Variants in ZFAND4 observed in about 807,000 individuals in gnomAD.
ZFAND4 encodes AN1-type zinc finger protein 4.
A neutral mutation model predicts 64.4 loss-of-function variants in ZFAND4; 43 were observed. The ratio of observed to expected loss-of-function variants is 0.67; its 90% CI spans 0.52 to 0.86. ZFAND4 has a LOEUF of 0.86. Among genes scored for constraint, ZFAND4 ranks in the 40% least tolerant of loss-of-function variants. ZFAND4 has a pLI of 0.00. For synonymous variants in ZFAND4, 296 were observed against 305.7 expected (o/e 0.97, Z 0.33); for missense variants, 929 against 859.8 (o/e 1.08, Z -1.01).
rs2049269440 is a variant in ZFAND4, at chr10:45,672,522, G to A, written c.-390C>T. The stretch of plus-strand genomic sequence containing the variant: ...GTCAGGCCGCAAGGCGAGGGGCGGG[G>A]ACAGGACTCTACCCGGCAGCCCAGC... On this transcript the variant is annotated 5_prime_UTR_variant, in exon 1 of 10. Transcript: ENST00000344646. The A allele has an allele frequency of 6.6e-6, 1 of 152,326 alleles. No individual in the cohort carries two copies. Among genetic ancestry groups the A allele is most frequent in the South Asian group, 2.1e-4 (1 of 4,842 alleles). The allele number at this position is 152,326 out of a possible 1,614,324, so 9.4% of individuals were successfully genotyped here. A position where few individuals can be genotyped will look rare whatever the true frequency, so the allele number is the denominator to read the frequency against.
chr10:45,617,115 T>C (rs541817575), intron 9 of ZFAND4, among the ~76,000 whole-genome samples: 1 of 148,990 alleles, frequency 6.7e-6, no homozygotes, highest in South Asian at 2.1e-4. Flanking sequence ...TGAAACAGGG[T>C]ATAGAACTCT....
rs745597336 is a variant in ZFAND4, at chr10:45,627,491, T to TAA, written c.718-388_718-387dup. ...TACACAGAAAAAAAGTTATCAATCC[T>TAA]AAAAAAAAAAAAAAAGTTAAAAGGG... On this transcript the variant is annotated intron_variant, in intron 6 of 9. Transcript: ENST00000344646. Among the ~76,000 whole-genome samples the TAA allele has an allele frequency of 1.1e-3, 136 of 129,444 alleles. 1 individual carries two copies. Among genetic ancestry groups the TAA allele is most frequent in the African/African-American group, 3.5e-3 (125 of 35,868 alleles). 84.9% of individuals were successfully genotyped at this position (129,444 alleles called of 152,430 possible).
intron 1 of ZFAND4, among the ~76,000 whole-genome samples, chr10:45,665,494 T>C (rs549688129): frequency 1.1e-4 from 17 of 152,100 alleles, no homozygotes; most frequent in East Asian, 5.8e-4. Context: ...TGAGCCAAGA[T>C]TGCACCACTG....
intron 5 of ZFAND4, among the ~76,000 whole-genome samples, chr10:45,646,184 T>C (rs2047367346): frequency 6.6e-6 from 1 of 152,162 alleles, no homozygotes; most frequent in Non-Finnish European, 1.5e-5. Context: ...TACCCAATTG[T>C]TAGTCTTATA....
chr10:45,651,824 G>T (rs1421083594), intron 4 of ZFAND4, 142 bp downstream of exon 4: 1 of 741,134 alleles, frequency 1.3e-6, no homozygotes, highest in Non-Finnish European at 2.3e-6. Flanking sequence ...AGGTTTTAAA[G>T]AACAATGCCT....
At chr10:45,650,345 T>G (rs2047678668) in intron 4 of ZFAND4, 1 of 152,062 alleles carries the variant, frequency 6.6e-6, no homozygotes, top group Non-Finnish European at 1.5e-5. Context: ...TTTCACCATG[T>G]TGGCCAAGCT....
Position 45,663,813 on chromosome 10 carries a change from A to T in ZFAND4, c.-88T>A. ...AACCAGGTTTGAAGATTGGTAATAT[A>T]TATTGTTGTTCATGTTTTGAGTTTT... On this transcript the variant is annotated 5_prime_UTR_variant, in exon 2 of 10. Transcript: ENST00000344646. 2 of 1,133,006 alleles carry T rather than the reference A, an allele frequency of 1.8e-6. No individual in the cohort carries two copies. 70.2% of individuals were successfully genotyped at this position (1,133,006 alleles called of 1,614,324 possible).
chr10:45,627,544 C>T (rs1043756241), intron 6 of ZFAND4, among the ~76,000 whole-genome samples: 1 of 151,930 alleles, frequency 6.6e-6, no homozygotes, highest in Admixed American at 6.6e-5. Context: ...AAAAGACTTG[C>T]TGGCAACACT....
chr10:45,666,812 A>G (rs944970049), intron 1 of ZFAND4, among the ~76,000 whole-genome samples: 1 of 152,188 alleles, frequency 6.6e-6, no homozygotes, highest in Non-Finnish European at 1.5e-5. Flanking sequence ...GTTAAAAACC[A>G]ATTTACTGTA....
intron 3 of ZFAND4, 45 bp downstream of exon 3, chr10:45,652,939 T>C (rs1299559259): frequency 6.9e-7 from 1 of 1,446,204 alleles, no homozygotes; most frequent in Non-Finnish European, 9.6e-7. Context: ...TATGGAGTCA[T>C]AATACTAAGT....
chr10:45,648,317 C>A lies in ZFAND4; in HGVS notation c.546G>T (p.Arg182=). 1 of 1,612,514 alleles carries A rather than the reference C, an allele frequency of 6.2e-7. No individual in the cohort carries two copies. The highest frequency in any genetic ancestry group is 8.5e-7 in the Non-Finnish European group (1 of 1,179,314). Residue 182 remains arginine, a synonymous_variant, in exon 5 of 10, where the codon CGG becomes CGT. Transcript: ENST00000344646. The stretch of plus-strand genomic sequence containing the variant: ...ACCTCATACGATGTTCTCCTTTTCT[C>A]CGTAGGACATGCAAATGAAAATCTA... ...KKIDFHLHVL[R]RKGEHRMSGG... is the part of the protein sequence containing the mutation.
intron 7 of ZFAND4, 52 bp downstream of exon 7, chr10:45,625,899 T>C: frequency 1.3e-6 from 2 of 1,501,142 alleles, no homozygotes; most frequent in Admixed American, 4.5e-5. Flanking sequence ...TTTAAATAAG[T>C]TGAATCACTA....
chr10:45,664,668 G>A (rs2048693675), intron 1 of ZFAND4, among the ~76,000 whole-genome samples: 1 of 149,918 alleles, frequency 6.7e-6, no homozygotes, highest in Non-Finnish European at 1.5e-5. Flanking sequence ...GCTCATGCCT[G>A]TAATCCCAGC....
At chr10:45,652,673 A>G (rs1322415259) in intron 3 of ZFAND4, among the ~76,000 whole-genome samples, 1 of 152,190 alleles carries the variant, frequency 6.6e-6, no homozygotes, top group Non-Finnish European at 1.5e-5. Flanking sequence ...CATAGCCAGG[A>G]AGGAATGGTT....
At chr10:45,617,616 C>G (rs1413488914) in intron 9 of ZFAND4, 2 of 131,764 alleles carry the variant, frequency 1.5e-5, no homozygotes, top group Admixed American at 1.5e-4. Context: ...AAAAAAAAGT[C>G]CGCAGCAGCA....
intron 6 of ZFAND4, among the ~76,000 whole-genome samples, chr10:45,633,857 T>A (rs992064327): frequency 6.6e-6 from 1 of 152,218 alleles, no homozygotes; most frequent in African/African-American, 2.4e-5. Flanking sequence ...TTTACATGCA[T>A]GTCCAAATAA....
chr10:45,643,408 T>C (rs113006865), intron 5 of ZFAND4, among the ~76,000 whole-genome samples: 9,042 of 150,706 alleles, frequency 0.06, 392 homozygotes, highest in African/African-American at 0.12. Context: ...CAGTGGCTCA[T>C]GCCTGTAATC....
rs2044933609 is a variant in ZFAND4, at chr10:45,616,290, G to GCATT, written c.*142_*145dup. 9.5e-7 allele frequency: 1 copy of GCATT among 1,057,826 alleles called. No homozygotes were observed. Among genetic ancestry groups the GCATT allele is most frequent in the Non-Finnish European group, 1.3e-6 (1 of 749,590 alleles). 65.5% of individuals were successfully genotyped at this position (1,057,826 alleles called of 1,614,324 possible). On this transcript the variant is annotated 3_prime_UTR_variant, in exon 10 of 10. Coordinates refer to ENST00000344646, the MANE Select transcript of ZFAND4 (RefSeq NM_174890.4). ...AGAAATAAAGATGTAAAATACAGTA[G>GCATT]CATTCTTGTTCTCCAACAGTATGCA...
intron 4 of ZFAND4, 137 bp from the exon 5 acceptor site, chr10:45,648,671 T>C (rs1407346290): frequency 1.0e-6 from 1 of 979,892 alleles, no homozygotes; most frequent in Non-Finnish European, 1.4e-6. Context: ...TTCAAATAAG[T>C]TTCTGATCTT....
Sources: gnomAD v4.1 joint callset for allele counts (sites outside exome capture counted in the v4.1 genomes callset) on GRCh38, gnomAD v4.1.1 for gene constraint, MANE v1.5 for transcripts, NCBI Gene and HGNC (gene_info 2026-07-23, HGNC 2026-07-21) for gene names.